MSI2: variants seen among roughly 807,000 people sequenced by gnomAD.
The protein encoded by MSI2 is RNA-binding protein Musashi homolog 2.
A neutral mutation model predicts 45.6 loss-of-function variants in MSI2; 17 were observed. The observed-to-expected ratio is 0.37, with a 90% CI of 0.26 to 0.56. The LOEUF (loss-of-function observed/expected upper bound fraction) is 0.56. Among genes scored for constraint, MSI2 ranks in the 20% least tolerant of loss-of-function variants. MSI2 has a pLI of 0.77. For synonymous variants in MSI2, 156 were observed against 158.2 expected (o/e 0.99, Z 0.11); for missense variants, 293 against 444.2 (o/e 0.66, Z 3.06).
intron 7 of MSI2, among the ~76,000 whole-genome samples, chr17:57,571,308 T>C (rs1278913762): frequency 6.6e-6 from 1 of 152,160 alleles, no homozygotes; most frequent in African/African-American, 2.4e-5. Context: ...CAACTTGCTT[T>C]TGTCGTTTGT....
chr17:57,601,968 T>C (rs1905931572), intron 8 of MSI2: 1 of 152,246 alleles, frequency 6.6e-6, no homozygotes, highest in Admixed American at 6.5e-5. Flanking sequence ...TTCCGAACCC[T>C]CTGTTCTTCT....
intron 5 of MSI2, among the ~76,000 whole-genome samples, chr17:57,366,436 C>G (rs1207539834): frequency 1.3e-5 from 2 of 152,232 alleles, no homozygotes; most frequent in African/African-American, 4.8e-5. Context: ...ATAACTCTGA[C>G]CACATGCTGC....
At chr17:57,644,926 A>G (rs1011034831) in intron 10 of MSI2, among the ~76,000 whole-genome samples, 1 of 152,176 alleles carries the variant, frequency 6.6e-6, no homozygotes, top group African/African-American at 2.4e-5. Context: ...CAAAATAAGT[A>G]GCAACTGGGC....
At chr17:57,413,855 G>A (rs2084243165) in intron 6 of MSI2, among the ~76,000 whole-genome samples, 1 of 151,978 alleles carries the variant, frequency 6.6e-6, no homozygotes, top group Non-Finnish European at 1.5e-5. Flanking sequence ...CAGGGAAACA[G>A]TCATCCTTCC....
intron 5 of MSI2, among the ~76,000 whole-genome samples, chr17:57,297,790 C>T (rs370071610): frequency 1.3e-5 from 2 of 152,204 alleles, no homozygotes; most frequent in Non-Finnish European, 2.9e-5. Context: ...TTCCCAACAA[C>T]GTGCACATCT....
chr17:57,637,804 C>G (rs12939928), intron 10 of MSI2, among the ~76,000 whole-genome samples: 2,456 of 152,336 alleles, frequency 0.016, 37 homozygotes, highest in Non-Finnish European at 0.025. Flanking sequence ...GCCCCGCCAG[C>G]TATGGCAGGA....
chr17:57,636,841 T>G (rs72834951), intron 10 of MSI2, among the ~76,000 whole-genome samples: 19,153 of 152,270 alleles, frequency 0.13, 1,597 homozygotes, highest in African/African-American at 0.24. Context: ...GAGCAATGGC[T>G]GGTTTCTTGC....
At chr17:57,514,149 CT>C (rs1207304137) in intron 6 of MSI2, among the ~76,000 whole-genome samples, 1 of 152,104 alleles carries the variant, frequency 6.6e-6, no homozygotes, top group African/African-American at 2.4e-5. Flanking sequence ...ACGTTGGCCC[CT>C]GTACTATTTC....
chr17:57,276,759 C>T (rs1386339047), intron 5 of MSI2, among the ~76,000 whole-genome samples: 2 of 152,152 alleles, frequency 1.3e-5, no homozygotes. Context: ...TCCTTGGTTT[C>T]CAAATTGGGT....
chr17:57,597,530 G>A (rs1905373414), intron 8 of MSI2, among the ~76,000 whole-genome samples: 1 of 149,420 alleles, frequency 6.7e-6, no homozygotes, highest in Non-Finnish European at 1.5e-5. Context: ...CCTACTCGAG[G>A]TGAGAGGATC....
intron 5 of MSI2, among the ~76,000 whole-genome samples, chr17:57,310,349 T>C (rs1598102810): frequency 6.6e-6 from 1 of 151,334 alleles, no homozygotes; most frequent in African/African-American, 2.4e-5. Flanking sequence ...TTTTTTTTTT[T>C]CCGAGTTGGA....
intron 5 of MSI2, among the ~76,000 whole-genome samples, chr17:57,340,389 C>T (rs1382836669): frequency 6.6e-6 from 1 of 152,196 alleles, no homozygotes; most frequent in Non-Finnish European, 1.5e-5. Context: ...AATGGAGGTA[C>T]AGTGTCAACA....
At chr17:57,537,147 C>A (rs775009288) in intron 7 of MSI2, among the ~76,000 whole-genome samples, 2 of 152,190 alleles carry the variant, frequency 1.3e-5, no homozygotes, top group Non-Finnish European at 2.9e-5. Context: ...GGAAGAATCG[C>A]CTAGTCCAAC....
chr17:57,503,678 C>A (rs1445684869), intron 6 of MSI2, among the ~76,000 whole-genome samples: 1 of 152,194 alleles, frequency 6.6e-6, no homozygotes, highest in Non-Finnish European at 1.5e-5. Flanking sequence ...GGGTGAGGGG[C>A]AGAGAAGGCA....
chr17:57,632,036 C>A, intron 10 of MSI2: 1 of 1,351,282 alleles, frequency 7.4e-7, no homozygotes, highest in Non-Finnish European at 9.5e-7. Flanking sequence ...AATTATTCTC[C>A]AGTCCCCTCC....
intron 6 of MSI2, among the ~76,000 whole-genome samples, chr17:57,479,857 A>G (rs947898215): frequency 1.7e-4 from 26 of 152,194 alleles, no homozygotes; most frequent in African/African-American, 6.3e-4. Context: ...TAATTTTTAC[A>G]CATTGGGAGA....
rs1909285127 is a variant in MSI2, at chr17:57,280,080, C to T, written c.312+17888C>T. On this transcript the variant is annotated intron_variant, in intron 5 of 13. Coordinates refer to ENST00000284073, the MANE Select transcript of MSI2 (RefSeq NM_138962.4). The surrounding 1 kb of genome is among the most constrained non-coding windows in gnomAD (Gnocchi z 4.2). The stretch of plus-strand genomic sequence containing the variant: ...GCTTCCTGGAGAAATAACGTTGAGG[C>T]TGAGCTTGATGTAGGGAGGGAAGTA... 1 of 149,658 alleles carries T rather than the reference C, an allele frequency of 6.7e-6. No individual in the cohort carries two copies. Among genetic ancestry groups the T allele is most frequent in the Non-Finnish European group, 1.5e-5 (1 of 67,694 alleles). The allele number at this position is 149,658 out of a possible 1,614,324, so 9.3% of individuals were successfully genotyped here.
chr17:57,312,085 CAG>C (rs1912447795), intron 5 of MSI2, among the ~76,000 whole-genome samples: 2 of 152,172 alleles, frequency 1.3e-5, no homozygotes, highest in South Asian at 4.1e-4. Flanking sequence ...AGGTCGGAGA[CAG>C]AGCACAGTCC....
chr17:57,620,335 G>A (rs536860058), intron 9 of MSI2, among the ~76,000 whole-genome samples: 1 of 152,332 alleles, frequency 6.6e-6, no homozygotes, highest in South Asian at 2.1e-4. Flanking sequence ...AATCTGAGAT[G>A]CCATGGCTAG....
Sources: gnomAD v4.1 joint callset for allele counts (sites outside exome capture counted in the v4.1 genomes callset) on GRCh38, gnomAD v4.1.1 for gene constraint, Gnocchi (gnomAD v3.1) non-coding constraint, MANE v1.5 for transcripts, NCBI Gene and HGNC (gene_info 2026-07-23, HGNC 2026-07-21) for gene names.